The following RFTN1 variants were observed in gnomAD, a reference collection of about 807,000 sequenced individuals.
RFTN1 encodes the protein raftlin.
Under a neutral mutation model 46.5 loss-of-function variants are expected in RFTN1, and 26 were observed. The ratio of observed to expected loss-of-function variants is 0.56; its 90% CI spans 0.41 to 0.78. The LOEUF is 0.78. Among genes scored for constraint, RFTN1 ranks in the 30% least tolerant of loss-of-function variants. RFTN1 has a pLI of 0.00. For synonymous variants in RFTN1, 261 were observed against 284.2 expected, an observed-to-expected ratio of 0.92 and a Z score of 0.82; for missense variants, 693 against 718.7, an observed-to-expected ratio of 0.96 and a Z score of 0.41.
At chr3:16,404,469 A>G (rs1200834016) in intron 4 of RFTN1, among the ~76,000 whole-genome samples, 1 of 126,350 alleles carries the variant, frequency 7.9e-6, no homozygotes, top group Non-Finnish European at 1.7e-5. Context: ...CTTCCTTGGG[A>G]CTCCATGCCA....
chr3:16,390,136 T>C (rs1352937577), intron 4 of RFTN1, among the ~76,000 whole-genome samples: 1 of 152,214 alleles, frequency 6.6e-6, no homozygotes, highest in Admixed American at 6.5e-5. Flanking sequence ...TGCAGATTTG[T>C]GAGCAAAATA....
chr3:16,496,799 A>G (rs988381830), intron 1 of RFTN1, among the ~76,000 whole-genome samples: 2 of 152,238 alleles, frequency 1.3e-5, no homozygotes, highest in African/African-American at 4.8e-5. Flanking sequence ...AGCATTACTC[A>G]TACCAGCCCC....
intron 2 of RFTN1, chr3:16,454,690 C>T (rs915582046): frequency 1.4e-5 from 12 of 849,056 alleles, no homozygotes; most frequent in Non-Finnish European, 1.7e-5. Flanking sequence ...AATTCCTACT[C>T]ATCCTTCACA....
At position 16,466,587 on chromosome 3, in the gene RFTN1, T is replaced by G. The variant is rs1284209565; in HGVS notation, c.145+27138A>C. 6.6e-6 allele frequency among the ~76,000 whole-genome samples: 1 copy of G among 152,226 alleles called. No homozygotes were observed. Among genetic ancestry groups the G allele is most frequent in the Non-Finnish European group, 1.5e-5 (1 of 68,042 alleles). On this transcript the variant is annotated intron_variant, in intron 2 of 9. Transcript: ENST00000334133. This position sits in a 1 kb window ranked among gnomAD's most constrained non-coding sequence, Gnocchi z 5.6. ...CTGGGCCTGAACTCAGGCTCCTTCC[T>G]AATTTAAGGAAAAAGTAAAACACCA...
At position 16,323,449 on chromosome 3, in the gene RFTN1, C is replaced by T. The variant is rs767056242; in HGVS notation, c.1259G>A (p.Ser420Asn). 24 of 1,610,784 alleles carry T rather than the reference C, an allele frequency of 1.5e-5. No individual in the cohort carries two copies. Among genetic ancestry groups the T allele is most frequent in the Non-Finnish European group, 1.9e-5 (22 of 1,177,330 alleles). Residue 420 changes from serine to asparagine, a missense_variant, in exon 9 of 10, where the codon AGT becomes AAT. Ser to Asn is a conservative substitution (Grantham distance 46). Transcript: ENST00000334133. Reference protein sequence around the residue: ...TPVVKTTSEGSVSTKQIVFLQ... With the variant: ...TPVVKTTSEGNVSTKQIVFLQ... ...AAAGACAATCTGCTTGGTGGATACA[C>T]TCCCCTCGCTGTAACACACGGAGCT...
At chr3:16,401,369 G>A (rs1006906567) in intron 4 of RFTN1, among the ~76,000 whole-genome samples, 2 of 150,472 alleles carry the variant, frequency 1.3e-5, no homozygotes, top group Non-Finnish European at 3.0e-5. Context: ...ATCTCCTAAA[G>A]TAAACTGCTC....
At chr3:16,331,956 G>C (rs1364664727) in intron 7 of RFTN1, among the ~76,000 whole-genome samples, 1 of 152,204 alleles carries the variant, frequency 6.6e-6, no homozygotes, top group Non-Finnish European at 1.5e-5. Context: ...GTTTCTAGAT[G>C]TCAGCAATGC....
At chr3:16,390,986 T>A (rs551608443) in intron 4 of RFTN1, among the ~76,000 whole-genome samples, 1 of 152,332 alleles carries the variant, frequency 6.6e-6, no homozygotes, top group South Asian at 2.1e-4. Flanking sequence ...ACAACCTTTT[T>A]CTCTCTGAAG....
Position 16,458,194 on chromosome 3 carries a change from T to C in RFTN1, c.146-24157A>G, listed in dbSNP as rs541319763. On this transcript the variant is annotated intron_variant, in intron 2 of 9. Coordinates refer to ENST00000334133, the MANE Select transcript of RFTN1 (RefSeq NM_015150.2). This position sits in a 1 kb window ranked among gnomAD's most constrained non-coding sequence, Gnocchi z 5.1. ...ACAGACATTCTTTGAGCACCTACTA[T>C]GTGCCATGCTTGTGTTAGGTACCAG... Among the ~76,000 whole-genome samples, 16 of 152,294 alleles carry C rather than the reference T, an allele frequency of 1.1e-4. 1 individual carries two copies. Among genetic ancestry groups the C allele is most frequent in the Non-Finnish European group, 2.9e-5 (2 of 68,024 alleles).
intron 7 of RFTN1, among the ~76,000 whole-genome samples, chr3:16,333,570 A>G (rs1487889470): frequency 2.0e-5 from 3 of 152,220 alleles, no homozygotes; most frequent in Non-Finnish European, 1.5e-5. Context: ...ATAAAATGTT[A>G]TTATTTTAAT....
chr3:16,380,271 T>A lies in RFTN1; in HGVS notation c.442-2169A>T, dbSNP rs147445816. Among the ~76,000 whole-genome samples the A allele has an allele frequency of 6.5e-4, 99 of 152,368 alleles. No individual in the cohort carries two copies. Among genetic ancestry groups the A allele is most frequent in the African/African-American group, 2.3e-3 (94 of 41,580 alleles). Reference sequence around the variant, plus strand: ...AAACACACTTATTTTGCAGTTGCACTGAAACTTAGTTTAGACATTACATAT... The same window carrying A: ...AAACACACTTATTTTGCAGTTGCACAGAAACTTAGTTTAGACATTACATAT... On this transcript the variant is annotated intron_variant, in intron 4 of 9. Transcript: ENST00000334133. This position sits in a 1 kb window ranked among gnomAD's most constrained non-coding sequence, Gnocchi z 4.8.
In RFTN1 at chr3:16,384,920, A is replaced by G. The variant is rs471336; in HGVS notation, c.442-6818T>C. 0.3 allele frequency among the ~76,000 whole-genome samples: 46,373 copies of G among 152,090 alleles called. 7,385 individuals carry two copies. Among genetic ancestry groups the G allele is most frequent in the South Asian group, 0.45 (2,168 of 4,814 alleles). On this transcript the variant is annotated intron_variant, in intron 4 of 9. Transcript: ENST00000334133. The surrounding 1 kb of genome is among the most constrained non-coding windows in gnomAD (Gnocchi z 4.7). ...CTATTGGGTAGCTCTGCTATAGAGC[A>G]TAATAAATCACATAAAATACTGAAT...
In RFTN1 at chr3:16,509,374, G is replaced by A. The variant is rs967052468; in HGVS notation, c.-9+4068C>T. Among the ~76,000 whole-genome samples, 1 of 152,066 alleles carries A rather than the reference G, an allele frequency of 6.6e-6. No homozygotes were observed. Among genetic ancestry groups the A allele is most frequent in the Admixed American group, 6.6e-5 (1 of 15,258 alleles). ...GAATGTCACAGTCTCTTCCCTTAAG[G>A]TCTTAGAAAAATGAAAACGTGAACT... On this transcript the variant is annotated intron_variant, in intron 1 of 9. Coordinates refer to ENST00000334133, the MANE Select transcript of RFTN1 (RefSeq NM_015150.2). This position sits in a 1 kb window ranked among gnomAD's most constrained non-coding sequence, Gnocchi z 4.9.
chr3:16,433,187 A>ATTTT lies in RFTN1; in HGVS notation c.332+663_332+664insAAAA, dbSNP rs1303753615. ...CCATCCTCACTGTTTTTTTTTTTTA[A>ATTTT]AAAAATTAATATTGTTCCTTTTGAA... On this transcript the variant is annotated intron_variant, in intron 3 of 9. Coordinates refer to ENST00000334133, the MANE Select transcript of RFTN1 (RefSeq NM_015150.2). The surrounding 1 kb of genome is among the most constrained non-coding windows in gnomAD (Gnocchi z 4.4). 2.7e-5 allele frequency among the ~76,000 whole-genome samples: 4 copies of ATTTT among 145,476 alleles called. No homozygotes were observed. Among genetic ancestry groups the ATTTT allele is most frequent in the African/African-American group, 1.1e-4 (4 of 36,830 alleles).
Position 16,448,749 on chromosome 3 carries a change from C to T in RFTN1, c.146-14712G>A, listed in dbSNP as rs1336389528. ...ACTGCGTTCCCGACCTTCTTCTGCC[C>T]CATTGGCAGGCCCCAAACATCCTCC... is the stretch of plus-strand genomic sequence containing the variant. On this transcript the variant is annotated intron_variant, in intron 2 of 9. Transcript: ENST00000334133. This position sits in a 1 kb window ranked among gnomAD's most constrained non-coding sequence, Gnocchi z 4.1. Among the ~76,000 whole-genome samples the T allele has an allele frequency of 1.3e-5, 2 of 152,142 alleles. No homozygotes were observed. The highest frequency in any genetic ancestry group is 2.9e-5 in the Non-Finnish European group (2 of 68,018).
In RFTN1 at chr3:16,444,403, C is replaced by T. The variant is rs181370468; in HGVS notation, c.146-10366G>A. Among the ~76,000 whole-genome samples the T allele has an allele frequency of 1.4e-4, 22 of 152,250 alleles. 1 individual carries two copies. The East Asian group carries it at 4.2e-3, about 29-fold the overall frequency. On this transcript the variant is annotated intron_variant, in intron 2 of 9. Transcript: ENST00000334133. ...CTTAAGACTTAATTTCTTCATATCC[C>T]TATGGGTTTTTTCCAGGCGCTCCGG...
At chr3:16,340,773 C>G (rs187303341) in intron 7 of RFTN1, among the ~76,000 whole-genome samples, 1 of 152,216 alleles carries the variant, frequency 6.6e-6, no homozygotes, top group East Asian at 1.9e-4. Context: ...TGAACAACAT[C>G]AAGAATTTTC....
chr3:16,511,373 A>G (rs2125018924), intron 1 of RFTN1, among the ~76,000 whole-genome samples: 1 of 152,358 alleles, frequency 6.6e-6, no homozygotes, highest in African/African-American at 2.4e-5. Context: ...CAACATCTGT[A>G]ATTTACTTTA....
rs2074156360 is a variant in RFTN1, at chr3:16,385,887, G to T, written c.442-7785C>A. Reference sequence around the variant, plus strand: ...GAGCAAAGACGACCTTGGCCCATGAGAACTGCCATCATCCAAGTAGGACCA... The same window carrying T: ...GAGCAAAGACGACCTTGGCCCATGATAACTGCCATCATCCAAGTAGGACCA... On this transcript the variant is annotated intron_variant, in intron 4 of 9. Coordinates refer to ENST00000334133, the MANE Select transcript of RFTN1 (RefSeq NM_015150.2). The surrounding 1 kb of genome is among the most constrained non-coding windows in gnomAD (Gnocchi z 5.0). 6.6e-6 allele frequency among the ~76,000 whole-genome samples: 1 copy of T among 152,152 alleles called. No individual in the cohort carries two copies. The highest frequency in any genetic ancestry group is 6.5e-5 in the Admixed American group (1 of 15,272).
Sources: allele counts gnomAD v4.1 joint callset (sites outside exome capture counted in the v4.1 genomes callset), GRCh38; gene constraint gnomAD v4.1.1; non-coding constraint Gnocchi (gnomAD v3.1); transcripts MANE v1.5; gene names NCBI Gene and HGNC (gene_info 2026-07-23, HGNC 2026-07-21).